Variants in EGR4 observed in about 807,000 individuals in gnomAD.
EGR4 encodes the protein early growth response protein 4.
In EGR4, 22 loss-of-function variants were observed where a neutral mutation model predicts 25.4. That is an observed-to-expected ratio of 0.87 (90% confidence interval 0.62 to 1.24). EGR4 has a LOEUF of 1.24. Ranked by LOEUF, EGR4 falls within the 50% of genes most tolerant of loss-of-function variation. EGR4 has a pLI of 0.00. For missense variants in EGR4, 742 were observed against 702.9 expected, an observed-to-expected ratio of 1.06 and a Z score of -0.63; for synonymous variants, 375 against 320.1, an observed-to-expected ratio of 1.17 and a Z score of -1.83.
intron 1 of EGR4, 121 bp downstream of exon 1, chr2:73,293,061 C>T: frequency 9.0e-7 from 1 of 1,116,010 alleles, no homozygotes; most frequent in Non-Finnish European, 1.2e-6. Context: ...CCCAGGACTC[C>T]TAAGCTTCCC....
At position 73,292,001 on chromosome 2, in the gene EGR4, C is replaced by A; in HGVS notation, c.917G>T (p.Ser306Ile). The A allele has an allele frequency of 6.2e-7, 1 of 1,602,396 alleles. No individual in the cohort carries two copies. Among genetic ancestry groups the A allele is most frequent in the South Asian group, 1.1e-5 (1 of 89,120 alleles). The change falls in exon 2 of 2, where the codon AGT becomes ATT. Residue 306 changes from serine to isoleucine, a missense_variant. Coordinates refer to ENST00000436467, the MANE Select transcript of EGR4 (RefSeq NM_001965.4). ...SSGDGGEFLA[S>I]TQPQLSPLGL... Reference sequence around the variant, plus strand: ...CAGCGGGGAAAGCTGAGGCTGCGTACTGGCCAGAAACTCTCCGCCGTCGCC... The same window carrying A: ...CAGCGGGGAAAGCTGAGGCTGCGTAATGGCCAGAAACTCTCCGCCGTCGCC...
chr2:73,292,547 G>T lies in EGR4; in HGVS notation c.371C>A (p.Ser124Tyr). ...FPGPEAAASR[S>Y]PLDAPFPAGS... ...CGCAGGAAAAGGGGCATCCAGCGGG[G>T]ATCTGGACGCTGCTGCCTCTGGACC... Residue 124 changes from serine to tyrosine, a missense_variant, in exon 2 of 2, where the codon TCC becomes TAC. Transcript: ENST00000436467. 6.6e-7 allele frequency: 1 copy of T among 1,510,246 alleles called. No homozygotes were observed. Among genetic ancestry groups the T allele is most frequent in the Non-Finnish European group, 8.8e-7 (1 of 1,131,276 alleles). The allele number at this position is 1,510,246 out of a possible 1,614,324, so 93.6% of individuals were successfully genotyped here. A position where few individuals can be genotyped will look rare whatever the true frequency, so the allele number is the denominator to read the frequency against.
In EGR4 at chr2:73,292,203, T is replaced by G; in HGVS notation, c.715A>C (p.Lys239Gln). 1 of 1,594,346 alleles carries G rather than the reference T, an allele frequency of 6.3e-7. No individual in the cohort carries two copies. Among genetic ancestry groups the G allele is most frequent in the Non-Finnish European group, 8.5e-7 (1 of 1,170,476 alleles). Residue 239 changes from lysine (K) to glutamine (Q), a missense_variant, in exon 2 of 2, where the codon AAG (lysine) becomes CAG (glutamine). Lys to Gln is a moderately conservative substitution (Grantham distance 53). Coordinates refer to ENST00000436467, the MANE Select transcript of EGR4 (RefSeq NM_001965.4). ...CTGATGGACAGCAAGTCCTCAATCTTGGTCCCTATTACGGGAAAACGAGCC... is the reference window on the plus strand; with the variant it reads ...CTGATGGACAGCAAGTCCTCAATCTGGGTCCCTATTACGGGAAAACGAGCC... Reference protein sequence around the residue: ...PEARFPVIGTKIEDLLSISCP... With the variant: ...PEARFPVIGTQIEDLLSISCP...
In EGR4 at chr2:73,291,356, C is replaced by A; in HGVS notation, c.*101G>T. The A allele has an allele frequency of 6.7e-7, 1 of 1,485,100 alleles. No homozygotes were observed. The highest frequency in any genetic ancestry group is 1.4e-5 in the South Asian group (1 of 72,880). 92.0% of individuals were successfully genotyped at this position (1,485,100 alleles called of 1,614,324 possible). ...GGAAGCGGGACCGGAGGCCGGCCCT[C>A]GGGCGTGCGAGGAGGAGTTGGAAGA... On this transcript the variant is annotated 3_prime_UTR_variant, in exon 2 of 2. Coordinates refer to ENST00000436467, the MANE Select transcript of EGR4 (RefSeq NM_001965.4).
chr2:73,292,787 G>A lies in EGR4; in HGVS notation c.137-6C>T. 1 of 1,444,516 alleles carries A rather than the reference G, an allele frequency of 6.9e-7. No homozygotes were observed. The highest frequency in any genetic ancestry group is 2.5e-5 in the East Asian group (1 of 39,396). 89.5% of individuals were successfully genotyped at this position (1,444,516 alleles called of 1,614,324 possible). On this transcript the variant is annotated splice_region_variant and splice_polypyrimidine_tract_variant and intron_variant, in intron 1 of 1. Transcript: ENST00000436467. ...CCAGCTCAAGAAGTCGCCTGCTGAG[G>A]AGGGAGCAGGAATCAGCTCTGGGCA... is the stretch of plus-strand genomic sequence containing the variant.
intron 1 of EGR4, among the ~76,000 whole-genome samples, 197 bp downstream of exon 1, chr2:73,292,985 C>T (rs567924234): frequency 5.2e-5 from 8 of 152,384 alleles, no homozygotes; most frequent in Admixed American, 5.2e-4. Context: ...AAGGGCGCTC[C>T]GATAACCGCA....
Position 73,292,139 on chromosome 2 carries a change from A to C in EGR4, c.779T>G (p.Leu260Arg), listed in dbSNP as rs766122384. The change falls in exon 2 of 2, where the codon CTC (leucine) becomes CGC (arginine). Residue 260 changes from leucine (L) to arginine (R), a missense_variant. Transcript: ENST00000436467. ...AELPAVPANR[L>R]YPSGAYDAFP... ...AGCGTCATAGGCCCCGCTGGGATAGAGTCTGTTGGCTGGGACGGCCGGCAG... is the reference window on the plus strand; with the variant it reads ...AGCGTCATAGGCCCCGCTGGGATAGCGTCTGTTGGCTGGGACGGCCGGCAG... 1.9e-6 allele frequency: 3 copies of C among 1,594,684 alleles called. No homozygotes were observed. The highest frequency in any genetic ancestry group is 2.6e-6 in the Non-Finnish European group (3 of 1,170,472).
At position 73,291,624 on chromosome 2, in the gene EGR4, G is replaced by A; in HGVS notation, c.1294C>T (p.His432Tyr). 1.2e-6 allele frequency: 2 copies of A among 1,612,950 alleles called. No individual in the cohort carries two copies. The highest frequency in any genetic ancestry group is 1.7e-6 in the Non-Finnish European group (2 of 1,179,932). Residue 432 changes from histidine to tyrosine, a missense_variant, in exon 2 of 2, where the codon CAC becomes TAC. By Grantham distance (83) the His-to-Tyr change is moderately conservative (BLOSUM62 2). Coordinates refer to ENST00000436467, the MANE Select transcript of EGR4 (RefSeq NM_001965.4). ...SDHLTTHVRTHTGEKPFACDV... is the reference protein window; with the variant it reads ...SDHLTTHVRTYTGEKPFACDV... Reference sequence around the variant, plus strand: ...CAAGCAAAAGGCTTCTCGCCGGTGTGGGTGCGCACGTGCGTGGTGAGGTGG... The same window carrying A: ...CAAGCAAAAGGCTTCTCGCCGGTGTAGGTGCGCACGTGCGTGGTGAGGTGG...
At chr2:73,292,859 T>G (rs1373658388) in intron 1 of EGR4, 78 bp from the exon 2 acceptor site, 10 of 1,326,180 alleles carry the variant, frequency 7.5e-6, no homozygotes, top group Non-Finnish European at 9.7e-6. Context: ...ACAAAACTCT[T>G]GGTGCCCACG....
rs1359674858 is a variant in EGR4 at position 73,290,971 on chromosome 2, T to C, written c.*486A>G. 1.3e-5 allele frequency: 2 copies of C among 157,058 alleles called. No individual in the cohort carries two copies. Among genetic ancestry groups the C allele is most frequent in the African/African-American group, 4.8e-5 (2 of 41,648 alleles). The allele number at this position is 157,058 out of a possible 1,614,324, so 9.7% of individuals were successfully genotyped here. A position where few individuals can be genotyped will look rare whatever the true frequency, so the allele number is the denominator to read the frequency against. On this transcript the variant is annotated 3_prime_UTR_variant, in exon 2 of 2. Transcript: ENST00000436467. ...AATTTTAATTGCAAAAATAAACAGTTTTGTCAACTGCTTGAGAGTAGCGTC... is the reference window on the plus strand; with the variant it reads ...AATTTTAATTGCAAAAATAAACAGTCTTGTCAACTGCTTGAGAGTAGCGTC...
At position 73,292,175 on chromosome 2, in the gene EGR4, C is replaced by T; in HGVS notation, c.743G>A (p.Cys248Tyr). Residue 248 changes from cysteine to tyrosine, a missense_variant, in exon 2 of 2, where the codon TGC (cysteine) becomes TAC (tyrosine). Cys to Tyr is a radical substitution (Grantham distance 194). Coordinates refer to ENST00000436467, the MANE Select transcript of EGR4 (RefSeq NM_001965.4). ...TGGGACGGCCGGCAGTTCCGCAGGG[C>T]AGCTGATGGACAGCAAGTCCTCAAT... Reference protein sequence around the residue: ...TKIEDLLSISCPAELPAVPAN... With the variant: ...TKIEDLLSISYPAELPAVPAN... The T allele has an allele frequency of 1.9e-6, 3 of 1,587,554 alleles. No individual in the cohort carries two copies. The highest frequency in any genetic ancestry group is 2.6e-6 in the Non-Finnish European group (3 of 1,166,866).
At position 73,291,153 on chromosome 2, in the gene EGR4, G is replaced by GTC; in HGVS notation, c.*303_*304insGA. 2.4e-6 allele frequency: 1 copy of GTC among 418,588 alleles called. No individual in the cohort carries two copies. The highest frequency in any genetic ancestry group is 4.3e-6 in the Non-Finnish European group (1 of 234,988). The allele number at this position is 418,588 out of a possible 1,614,324, so 25.9% of individuals were successfully genotyped here. On this transcript the variant is annotated 3_prime_UTR_variant, in exon 2 of 2. Transcript: ENST00000436467. ...TCTGGGGGTTATAGAGGAAGGCGTG[G>GTC]GGCGTGTGCCAGTTACAAAAGACTG...
At position 73,292,198 on chromosome 2, in the gene EGR4, A is replaced by C. The variant is rs1689121175; in HGVS notation, c.720T>G (p.Ile240Met). ...EARFPVIGTK[I>M]EDLLSISCPA... is the part of the protein sequence containing the mutation. ...GGCAGCTGATGGACAGCAAGTCCTC[A>C]ATCTTGGTCCCTATTACGGGAAAAC... Residue 240 changes from isoleucine (I) to methionine (M), a missense_variant, in exon 2 of 2, where the codon ATT (isoleucine) becomes ATG (methionine). Transcript: ENST00000436467. 1.9e-6 allele frequency: 3 copies of C among 1,592,996 alleles called. No homozygotes were observed. Among genetic ancestry groups the C allele is most frequent in the Non-Finnish European group, 2.6e-6 (3 of 1,169,770 alleles).
rs776851643 is a variant in EGR4 at position 73,292,495 on chromosome 2, C to T, written c.423G>A (p.Pro141=). The part of the protein sequence containing the change: ...PAGSDALLPG[P]PDLYSPDLGA... ...CCAGATCCGGGGAGTAAAGGTCCGG[C>T]GGACCCGGCAGCAAGGCATCGGACC... Residue 141 remains proline (P), a synonymous_variant, in exon 2 of 2, where the codon CCG becomes CCA. Coordinates refer to ENST00000436467, the MANE Select transcript of EGR4 (RefSeq NM_001965.4). 10 of 1,515,140 alleles carry T rather than the reference C, an allele frequency of 6.6e-6. No homozygotes were observed. Among genetic ancestry groups the T allele is most frequent in the South Asian group, 2.7e-5 (2 of 74,528 alleles). 93.9% of individuals were successfully genotyped at this position (1,515,140 alleles called of 1,614,324 possible). A position where few individuals can be genotyped will look rare whatever the true frequency, so the allele number is the denominator to read the frequency against.
Position 73,291,955 on chromosome 2 carries a change from C to T in EGR4, c.963G>A (p.Ala321=), listed in dbSNP as rs995237388. The T allele has an allele frequency of 3.1e-6, 5 of 1,591,044 alleles. No individual in the cohort carries two copies. The highest frequency in any genetic ancestry group is 4.3e-6 in the Non-Finnish European group (5 of 1,170,316). Reference sequence around the variant, plus strand: ...CCACCAGAGGTTTAGGGAAGTCCGCCGCGGCGGCGCTGCGAAGGCCCAGCG... The same window carrying T: ...CCACCAGAGGTTTAGGGAAGTCCGCTGCGGCGGCGCTGCGAAGGCCCAGCG... ...LSPLGLRSAA[A]ADFPKPLVAD... is the part of the protein sequence containing the mutation. Residue 321 remains alanine (A), a synonymous_variant, in exon 2 of 2, where the codon GCG becomes GCA. Transcript: ENST00000436467.
In EGR4 at chr2:73,291,575, G is replaced by C; in HGVS notation, c.1343C>G (p.Ala448Gly). The change falls in exon 2 of 2, where the codon GCG becomes GGG. Residue 448 changes from alanine (A) to glycine (G), a missense_variant. Ala to Gly is a moderately conservative substitution (Grantham distance 60, BLOSUM62 0). Transcript: ENST00000436467. ...GTGCCGTTTCTTCTCATCGCTGCGC[G>C]CGAAGCGGCGGCCGCACACGTCGCA... ...FACDVCGRRF[A>G]RSDEKKRHSK... is the part of the protein sequence containing the mutation. 6.2e-7 allele frequency: 1 copy of C among 1,613,438 alleles called. No homozygotes were observed. Among genetic ancestry groups the C allele is most frequent in the Non-Finnish European group, 8.5e-7 (1 of 1,179,900 alleles).
chr2:73,293,543 G>A lies in EGR4; in HGVS notation c.-226C>T, dbSNP rs776077634. 7.3e-6 allele frequency: 11 copies of A among 1,498,942 alleles called. No individual in the cohort carries two copies. The highest frequency in any genetic ancestry group is 2.1e-5 in the Admixed American group (1 of 47,086). The allele number at this position is 1,498,942 out of a possible 1,614,324, so 92.9% of individuals were successfully genotyped here. A position where few individuals can be genotyped will look rare whatever the true frequency, so the allele number is the denominator to read the frequency against. ...CTCCTCGCCTCTCCAAAGCGCTGCC[G>A]GGCTCCCCCAGCCCACAGCCCCCCC... On this transcript the variant is annotated 5_prime_UTR_variant, in exon 1 of 2. Coordinates refer to ENST00000436467, the MANE Select transcript of EGR4 (RefSeq NM_001965.4).
rs141704795 is a variant in EGR4 at position 73,292,548 on chromosome 2, A to T, written c.370T>A (p.Ser124Thr). ...GCAGGAAAAGGGGCATCCAGCGGGG[A>T]TCTGGACGCTGCTGCCTCTGGACCG... ...FPGPEAAASR[S>T]PLDAPFPAGS... The change falls in exon 2 of 2, where the codon TCC (serine) becomes ACC (threonine). Residue 124 changes from serine to threonine, a missense_variant. Coordinates refer to ENST00000436467, the MANE Select transcript of EGR4 (RefSeq NM_001965.4). 1,091 of 1,509,892 alleles carry T rather than the reference A, an allele frequency of 7.2e-4. No homozygotes were observed. Among genetic ancestry groups the T allele is most frequent in the Admixed American group, 1.1e-3 (47 of 43,302 alleles). 93.5% of individuals were successfully genotyped at this position (1,509,892 alleles called of 1,614,324 possible).
In EGR4 at chr2:73,292,037, C is replaced by A; in HGVS notation, c.881G>T (p.Gly294Val). 3 of 1,606,154 alleles carry A rather than the reference C, an allele frequency of 1.9e-6. No individual in the cohort carries two copies. Among genetic ancestry groups the A allele is most frequent in the East Asian group, 2.2e-5 (1 of 44,700 alleles). ...PGLLTPPSGE[G>V]GSSGDGGEFL... ...CTCTCCGCCGTCGCCGCTACTCCCT[C>A]CCTCCCCACTAGGAGGGGTCAGGAG... is the stretch of plus-strand genomic sequence containing the variant. The change falls in exon 2 of 2, where the codon GGA (glycine) becomes GTA (valine). Residue 294 changes from glycine (G) to valine (V), a missense_variant. Coordinates refer to ENST00000436467, the MANE Select transcript of EGR4 (RefSeq NM_001965.4).
Sources: allele counts gnomAD v4.1 joint callset (sites outside exome capture counted in the v4.1 genomes callset), GRCh38; gene constraint gnomAD v4.1.1; transcripts MANE v1.5; gene names NCBI Gene and HGNC (gene_info 2026-07-23, HGNC 2026-07-21).